TRMT44: variants seen among roughly 807,000 people sequenced by gnomAD.
TRMT44 encodes tRNA methyltransferase 44 homolog.
Under a neutral mutation model 77.3 loss-of-function variants are expected in TRMT44, and 78 were observed. The ratio of observed to expected loss-of-function variants is 1.01; its 90% CI spans 0.84 to 1.22. TRMT44 has a LOEUF of 1.22. Among genes scored for constraint, TRMT44 ranks in the 50% most tolerant of loss-of-function variants. The pLI is 0.00. For synonymous variants in TRMT44, 391 were observed against 383.3 expected, an observed-to-expected ratio of 1.02 and a Z score of -0.23; for missense variants, 1,090 against 964.4, an observed-to-expected ratio of 1.13 and a Z score of -1.73.
chr4:8,464,774 A>C (rs1726414585), intron 7 of TRMT44, among the ~76,000 whole-genome samples: 1 of 152,222 alleles, frequency 6.6e-6, no homozygotes, highest in Non-Finnish European at 1.5e-5. Context: ...CATTTTTATA[A>C]AAGTAATTAG....
downstream of TRMT44, chr4:8,478,155 G>A (rs558748727): frequency 4.6e-5 from 7 of 153,020 alleles, no homozygotes; most frequent in African/African-American, 1.7e-4. Flanking sequence ...TCTGCGCTTG[G>A]TGCTGCTGGA....
rs76870747 is a variant in TRMT44, at chr4:8,455,823, G to A, written c.1203+1010G>A. On this transcript the variant is annotated intron_variant, in intron 6 of 10. Transcript: ENST00000389737. ...GAACAACACGGGATTGAACTTTGTG[G>A]GCCAGTTTTATACAGATTTTTTTCA... Among the ~76,000 whole-genome samples the A allele has an allele frequency of 4.9e-3, 751 of 152,060 alleles. 5 individuals are homozygous for A. The highest frequency in any genetic ancestry group is 0.017 in the African/African-American group (719 of 41,460).
intron 2 of TRMT44, among the ~76,000 whole-genome samples, chr4:8,447,479 GC>G (rs1320431717): frequency 6.6e-6 from 1 of 152,134 alleles, no homozygotes; most frequent in Non-Finnish European, 1.5e-5. Flanking sequence ...GAATGAGTTT[GC>G]CCGGGGCTTC....
chr4:8,474,820 A>G (rs989229553), intron 10 of TRMT44, among the ~76,000 whole-genome samples: 2 of 152,054 alleles, frequency 1.3e-5, no homozygotes, highest in Admixed American at 6.5e-5. Context: ...GTAGGGGGGT[A>G]TCTCGGCCCA....
chr4:8,488,273 C>T lies in TRMT44; in HGVS notation n.3892-4993C>T, dbSNP rs377336450. Reference sequence around the variant, plus strand: ...CATGGCACCAAATTTCATGAGCGTCCGTGTGAAGAGACCACCAAACAGGCT... The same window carrying T: ...CATGGCACCAAATTTCATGAGCGTCTGTGTGAAGAGACCACCAAACAGGCT... On this transcript the variant is annotated intron_variant and non_coding_transcript_variant, in intron 2 of 2. Coordinates refer to the TRMT44 transcript ENST00000511366. Among the ~76,000 whole-genome samples the T allele has an allele frequency of 1.3e-4, 20 of 152,256 alleles. No homozygotes were observed. The East Asian group carries it at 2.9e-3, about 22-fold the overall frequency.
At position 8,449,980 on chromosome 4, in the gene TRMT44, A is replaced by C. The variant is rs1217405292; in HGVS notation, c.954+92A>C. ...TTTTTTTTTTTTTTTTTTTTGCGAC[A>C]GTCTTGTTCTGTCACCCCCCCAAAA... On this transcript the variant is annotated intron_variant, in intron 3 of 10. Transcript: ENST00000389737. 8 of 504,132 alleles carry C rather than the reference A, an allele frequency of 1.6e-5. No individual in the cohort carries two copies. The East Asian group carries it at 3.8e-4, about 24-fold the overall frequency. The allele number at this position is 504,132 out of a possible 1,614,324, so 31.2% of individuals were successfully genotyped here.
chr4:8,470,362 C>T (rs1326724754), intron 9 of TRMT44, among the ~76,000 whole-genome samples: 2 of 152,232 alleles, frequency 1.3e-5, no homozygotes, highest in Non-Finnish European at 2.9e-5. Flanking sequence ...CTCCTCCGCT[C>T]TCCTGCAGCT....
At chr4:8,455,572 T>C (rs1725752222) in intron 6 of TRMT44, among the ~76,000 whole-genome samples, 1 of 152,234 alleles carries the variant, frequency 6.6e-6, no homozygotes, top group South Asian at 2.1e-4. Context: ...AGATAATCAC[T>C]CTCTTTTATT....
Position 8,449,729 on chromosome 4 carries a change from C to G in TRMT44, c.795C>G (p.Pro265=). 1 of 1,535,988 alleles carries G rather than the reference C, an allele frequency of 6.5e-7. No individual in the cohort carries two copies. The highest frequency in any genetic ancestry group is 8.7e-7 in the Non-Finnish European group (1 of 1,146,888). ...GGCATTCAGATGGAATCGTGTATCC[C>G]AAACCCACGTGGCTTGGAGAAGAGT... is the stretch of plus-strand genomic sequence containing the variant. ...ERWHSDGIVY[P]KPTWLGEELL... The change falls in exon 3 of 11, where the codon CCC becomes CCG. Residue 265 remains proline, a synonymous_variant. Transcript: ENST00000389737.
At chr4:8,489,964 T>C (rs1727944639) in intron 2 of TRMT44, among the ~76,000 whole-genome samples, 1 of 152,178 alleles carries the variant, frequency 6.6e-6, no homozygotes, top group Non-Finnish European at 1.5e-5. Flanking sequence ...ATAGCATCAC[T>C]ATTGTAGAAT....
In TRMT44 at chr4:8,451,718, A is replaced by G. The variant is rs139746937; in HGVS notation, c.955-242A>G. 2.6e-3 allele frequency among the ~76,000 whole-genome samples: 396 copies of G among 152,320 alleles called. No individual in the cohort carries two copies. The highest frequency in any genetic ancestry group is 9.3e-3 in the African/African-American group (387 of 41,564). ...GTCCACTGCCTCAGCTAAATGCCTT[A>G]GGTACATTCTGTTGATTGTGAAATC... On this transcript the variant is annotated intron_variant, in intron 3 of 10. Transcript: ENST00000389737. The surrounding 1 kb of genome is among the most constrained non-coding windows in gnomAD (Gnocchi z 4.1).
Position 8,452,036 on chromosome 4 carries a change from T to G in TRMT44, c.1023+8T>G, listed in dbSNP as rs1579046645. On this transcript the variant is annotated splice_region_variant and intron_variant, in intron 4 of 10. Transcript: ENST00000389737. This position sits in a 1 kb window ranked among gnomAD's most constrained non-coding sequence, Gnocchi z 5.7. Reference sequence around the variant, plus strand: ...ATCGCAGCATACCTGCTGGTAAGGGTGTAAGCGACCTCAGCTTCTCTGGAG... The same window carrying G: ...ATCGCAGCATACCTGCTGGTAAGGGGGTAAGCGACCTCAGCTTCTCTGGAG... 1 of 1,536,226 alleles carries G rather than the reference T, an allele frequency of 6.5e-7. No homozygotes were observed.
At chr4:8,499,879 A>G in the TRMT44 span, among the ~76,000 whole-genome samples, 11 of 145,576 alleles carry the variant, frequency 7.6e-5, 1 homozygote, top group Middle Eastern at 0.014. Context: ...GGAGTTTACT[A>G]TATAACAAAC....
In TRMT44 at chr4:8,451,622, G is replaced by A. The variant is rs1579045880; in HGVS notation, c.955-338G>A. 6.6e-6 allele frequency among the ~76,000 whole-genome samples: 1 copy of A among 152,124 alleles called. No homozygotes were observed. The highest frequency in any genetic ancestry group is 2.4e-5 in the African/African-American group (1 of 41,406). On this transcript the variant is annotated intron_variant, in intron 3 of 10. Transcript: ENST00000389737. The surrounding 1 kb of genome is among the most constrained non-coding windows in gnomAD (Gnocchi z 4.1). ...CTCCCTGCCCTAGTTTCACTCCCAC[G>A]CCTAGTTTCCTTGTTTGTTGCCCTT...
chr4:8,459,036 T>TAA (rs879600636), intron 6 of TRMT44, among the ~76,000 whole-genome samples: 2 of 131,634 alleles, frequency 1.5e-5, no homozygotes, highest in Admixed American at 7.7e-5. Flanking sequence ...CCATCTCTAC[T>TAA]AAAAAAAAAA....
In TRMT44 at chr4:8,472,323, T is replaced by G. The variant is rs555084893; in HGVS notation, c.2044+1123T>G. Among the ~76,000 whole-genome samples the G allele has an allele frequency of 3.5e-3, 527 of 151,164 alleles. 4 individuals are homozygous for G. Among genetic ancestry groups the G allele is most frequent in the Non-Finnish European group, 5.3e-3 (358 of 67,746 alleles). On this transcript the variant is annotated intron_variant, in intron 10 of 10. Coordinates refer to ENST00000389737, the MANE Select transcript of TRMT44 (RefSeq NM_152544.3). Reference sequence around the variant, plus strand: ...TGCAAAGAGCCAGGGTTGGGAGGAGTAAGAGTGGGAGCTGGTCGGGTTACA... The same window carrying G: ...TGCAAAGAGCCAGGGTTGGGAGGAGGAAGAGTGGGAGCTGGTCGGGTTACA...
chr4:8,514,542 G>T, the TRMT44 span, among the ~76,000 whole-genome samples: 3 of 152,052 alleles, frequency 2.0e-5, no homozygotes, highest in Non-Finnish European at 4.4e-5. Context: ...CTCCCTATGT[G>T]CTGGGATGAC....
chr4:8,507,937 G>A, the TRMT44 span, among the ~76,000 whole-genome samples: 8 of 152,072 alleles, frequency 5.3e-5, no homozygotes, highest in East Asian at 3.9e-4. Flanking sequence ...ATGGAGTTTC[G>A]CTTTTGTTGC....
At chr4:8,491,026 CT>C (rs1727985088) in intron 2 of TRMT44, among the ~76,000 whole-genome samples, 2 of 151,992 alleles carry the variant, frequency 1.3e-5, no homozygotes, top group Non-Finnish European at 2.9e-5. Context: ...ACACAGGATG[CT>C]GATTGGTGTG....
Sources: gnomAD v4.1 joint callset for allele counts (sites outside exome capture counted in the v4.1 genomes callset) on GRCh38, gnomAD v4.1.1 for gene constraint, Gnocchi (gnomAD v3.1) non-coding constraint, MANE v1.5 for transcripts, NCBI Gene and HGNC (gene_info 2026-07-23, HGNC 2026-07-21) for gene names.